The following GOLIM4 variants were observed in gnomAD, a reference collection of about 807,000 sequenced individuals.
GOLIM4 encodes 130 kDa golgi-localized phosphoprotein.
A neutral mutation model predicts 107.4 loss-of-function variants in GOLIM4; 71 were observed. That is an observed-to-expected ratio of 0.66 (90% CI 0.55 to 0.81). The LOEUF is 0.81. GOLIM4 is among the 30% of genes least tolerant of loss of function. The pLI is 0.00. For missense variants in GOLIM4, 830 were observed against 826.1 expected, an observed-to-expected ratio of 1.00 and a Z score of -0.06; for synonymous variants, 327 against 294.8, an observed-to-expected ratio of 1.11 and a Z score of -1.12.
chr3:168,056,464 C>T (rs1018076883), intron 1 of GOLIM4, among the ~76,000 whole-genome samples: 1 of 152,170 alleles, frequency 6.6e-6, no homozygotes, highest in African/African-American at 2.4e-5. Context: ...GTCCTCTGGA[C>T]CCCAGAATGG....
intron 1 of GOLIM4, among the ~76,000 whole-genome samples, chr3:168,090,330 G>GA (rs112101464): frequency 0.18 from 26,496 of 146,248 alleles, 3,640 homozygotes; most frequent in African/African-American, 0.39. Context: ...AGCTTGACAA[G>GA]AAAAAAAAAA....
In GOLIM4 at chr3:168,042,245, TTTTTTTTTGAC is replaced by T. The variant is rs1481576492; in HGVS notation, c.518-782_518-772del. On this transcript the variant is annotated intron_variant, in intron 5 of 15. Transcript: ENST00000470487. ...CTTTAAACTTATTTAGCACCTATTTTTTTTTTTTGACAGAGTCTCTCTCTGTCACCCAGGCT... is the reference window on the plus strand; with the variant it reads ...CTTTAAACTTATTTAGCACCTATTTTAGAGTCTCTCTCTGTCACCCAGGCT... 4.6e-5 allele frequency among the ~76,000 whole-genome samples: 7 copies of T among 152,288 alleles called. No individual in the cohort carries two copies. In the East Asian group the frequency reaches 1.2e-3, roughly 25 times the overall value.
At chr3:168,035,946 G>A (rs559058521) in intron 8 of GOLIM4, among the ~76,000 whole-genome samples, 1 of 152,000 alleles carries the variant, frequency 6.6e-6, no homozygotes, top group East Asian at 1.9e-4. Context: ...TTTTTATAAA[G>A]AACAAGAATA....
intron 1 of GOLIM4, among the ~76,000 whole-genome samples, chr3:168,064,551 T>G (rs907562079): frequency 2.0e-5 from 3 of 152,128 alleles, no homozygotes. Flanking sequence ...CTCTAAGTTT[T>G]TACATGAAAA....
At chr3:168,064,496 A>G (rs1720440200) in intron 1 of GOLIM4, among the ~76,000 whole-genome samples, 1 of 152,234 alleles carries the variant, frequency 6.6e-6, no homozygotes, top group Non-Finnish European at 1.5e-5. Flanking sequence ...GTTGAATTTG[A>G]TAGCCTGACT....
chr3:168,059,413 T>C (rs972609867), intron 1 of GOLIM4, among the ~76,000 whole-genome samples: 10 of 152,188 alleles, frequency 6.6e-5, no homozygotes, highest in Admixed American at 5.9e-4. Flanking sequence ...AAAATTAAAA[T>C]ATGCAACATA....
intron 9 of GOLIM4, among the ~76,000 whole-genome samples, chr3:168,030,910 C>G (rs554601197): frequency 6.6e-6 from 1 of 152,160 alleles, no homozygotes; most frequent in Non-Finnish European, 1.5e-5. Context: ...TACTTGCACT[C>G]TCAGGTTTAT....
intron 12 of GOLIM4, among the ~76,000 whole-genome samples, chr3:168,026,208 T>C (rs1717988362): frequency 6.6e-6 from 1 of 152,066 alleles, no homozygotes; most frequent in Non-Finnish European, 1.5e-5. Context: ...ACGTAGAGAC[T>C]ACCAAATTAC....
chr3:168,043,992 T>C (rs893079759), intron 4 of GOLIM4, among the ~76,000 whole-genome samples: 1 of 152,240 alleles, frequency 6.6e-6, no homozygotes, highest in African/African-American at 2.4e-5. Flanking sequence ...GACTTTTCCC[T>C]TTGGGAATAG....
At chr3:168,011,999 A>G (rs1400654898) in intron 14 of GOLIM4, among the ~76,000 whole-genome samples, 1 of 145,562 alleles carries the variant, frequency 6.9e-6, no homozygotes, top group East Asian at 1.9e-4. Flanking sequence ...CCTCCTCCAA[A>G]GGAACACAGT....
At chr3:168,012,260 G>A (rs1350485568) in intron 14 of GOLIM4, among the ~76,000 whole-genome samples, 3 of 137,906 alleles carry the variant, frequency 2.2e-5, no homozygotes, top group African/African-American at 3.5e-5. Flanking sequence ...CTCAGGAGCC[G>A]ATGCAATCAA....
At chr3:168,048,172 A>G (rs1719417527) in intron 2 of GOLIM4, 119 bp downstream of exon 2, 1 of 670,618 alleles carries the variant, frequency 1.5e-6, no homozygotes. Context: ...CTGTCCACCT[A>G]TCTGACTTTG....
At chr3:168,010,634 G>A in intron 15 of GOLIM4, 109 bp downstream of exon 15, 10 of 889,968 alleles carry the variant, frequency 1.1e-5, no homozygotes, top group South Asian at 9.1e-5. Flanking sequence ...TGGTAACTCA[G>A]AGGTACCATT....
intron 8 of GOLIM4, 83 bp from the exon 9 acceptor site, chr3:168,032,935 G>T: frequency 9.9e-7 from 1 of 1,014,882 alleles, no homozygotes; most frequent in Non-Finnish European, 1.5e-6. Context: ...TGTCTATGGG[G>T]CATGGGGCTA....
chr3:168,014,704 C>T (rs1717263010), intron 14 of GOLIM4, among the ~76,000 whole-genome samples: 1 of 139,334 alleles, frequency 7.2e-6, no homozygotes, highest in Admixed American at 6.9e-5. Flanking sequence ...ATCAAGTGGG[C>T]TTCATCCCTG....
At chr3:168,088,684 T>C (rs1189418586) in intron 1 of GOLIM4, among the ~76,000 whole-genome samples, 1 of 152,180 alleles carries the variant, frequency 6.6e-6, no homozygotes, top group East Asian at 1.9e-4. Context: ...AGTCACCAGG[T>C]GATATGTGTC....
chr3:168,055,107 T>G (rs926147535), intron 1 of GOLIM4, among the ~76,000 whole-genome samples: 1 of 152,150 alleles, frequency 6.6e-6, no homozygotes, highest in Non-Finnish European at 1.5e-5. Context: ...GAAAACAAAC[T>G]AACACAGTAA....
At chr3:168,017,994 G>T (rs1197640851) in intron 14 of GOLIM4, among the ~76,000 whole-genome samples, 1 of 152,108 alleles carries the variant, frequency 6.6e-6, no homozygotes, top group Non-Finnish European at 1.5e-5. Context: ...ATATCTCACA[G>T]AAATACAGGG....
rs1333000241 is a variant in GOLIM4 at position 168,009,394 on chromosome 3, G to C, written c.*875C>G. On this transcript the variant is annotated 3_prime_UTR_variant, in exon 16 of 16. Transcript: ENST00000470487. ...AATATATATTACTTATAGGGAACCA[G>C]ACACTGAAACAAGAATATCAATCAA... The C allele has an allele frequency of 3.0e-5, 2 of 66,592 alleles. No individual in the cohort carries two copies. The highest frequency in any genetic ancestry group is 6.8e-5 in the Non-Finnish European group (2 of 29,568). 4.1% of individuals were successfully genotyped at this position (66,592 alleles called of 1,614,324 possible).
Sources: gnomAD v4.1 joint callset for allele counts (sites outside exome capture counted in the v4.1 genomes callset) on GRCh38, gnomAD v4.1.1 for gene constraint, MANE v1.5 for transcripts, NCBI Gene and HGNC (gene_info 2026-07-23, HGNC 2026-07-21) for gene names.